Variants in HCN1 observed in about 807,000 individuals in gnomAD.
HCN1 encodes the protein hyperpolarization activated cyclic nucleotide gated potassium channel 1.
Under a neutral mutation model 78.9 loss-of-function variants are expected in HCN1, and 13 were observed. That is an observed-to-expected ratio of 0.16 (90% CI 0.11 to 0.26). The LOEUF (loss-of-function observed/expected upper bound fraction) is 0.26. Among genes scored for constraint, HCN1 ranks in the 10% least tolerant of loss-of-function variants. The probability of loss-of-function intolerance (pLI) is 1.00; values close to 1 mark genes in which losing one functional copy is unlikely to be tolerated. For missense variants in HCN1, 810 were observed against 1,154.3 expected, an observed-to-expected ratio of 0.70 and a Z score of 4.32; for synonymous variants, 552 against 455.5, an observed-to-expected ratio of 1.21 and a Z score of -2.70.
chr5:45,503,333 C>T (rs906273357), intron 2 of HCN1, among the ~76,000 whole-genome samples: 1 of 151,726 alleles, frequency 6.6e-6, no homozygotes. Flanking sequence ...CTCCAGATCT[C>T]GAGAAACTCT....
At chr5:45,365,379 T>C (rs1289573790) in intron 4 of HCN1, among the ~76,000 whole-genome samples, 2 of 151,930 alleles carry the variant, frequency 1.3e-5, no homozygotes, top group Non-Finnish European at 2.9e-5. Flanking sequence ...CCAAAGACTA[T>C]TATCTCTATC....
chr5:45,263,714 G>C (rs1384903668), intron 7 of HCN1, among the ~76,000 whole-genome samples: 3 of 151,794 alleles, frequency 2.0e-5, no homozygotes, highest in Non-Finnish European at 4.4e-5. Context: ...ATCATACATG[G>C]GCTCTGAATT....
intron 2 of HCN1, among the ~76,000 whole-genome samples, chr5:45,629,773 C>CA (rs1180985335): frequency 5.3e-5 from 8 of 151,976 alleles, no homozygotes; most frequent in South Asian, 4.2e-4. Context: ...TTGGTTTAGA[C>CA]AAAAAACTAA....
chr5:45,348,810 C>G (rs927029347), intron 5 of HCN1, among the ~76,000 whole-genome samples: 12 of 152,186 alleles, frequency 7.9e-5, no homozygotes, highest in African/African-American at 2.9e-4. Flanking sequence ...ATCAATTCAA[C>G]AAGAAGAGCT....
intron 1 of HCN1, among the ~76,000 whole-genome samples, chr5:45,669,938 T>C (rs1246877613): frequency 6.6e-6 from 1 of 151,766 alleles, no homozygotes; most frequent in Non-Finnish European, 1.5e-5. Flanking sequence ...GATGAGTTTA[T>C]GGTGTTTCCC....
rs535188120 is a variant in HCN1 at position 45,311,614 on chromosome 5, A to G, written c.1378-7775T>C. On this transcript the variant is annotated intron_variant, in intron 5 of 7. Coordinates refer to ENST00000303230, the MANE Select transcript of HCN1 (RefSeq NM_021072.4). ...TTGCTTTAGTGTTGATAATTATGGCATAAGTGTTATGATCCATGGAGGATA... is the reference window on the plus strand; with the variant it reads ...TTGCTTTAGTGTTGATAATTATGGCGTAAGTGTTATGATCCATGGAGGATA... 2.0e-5 allele frequency among the ~76,000 whole-genome samples: 3 copies of G among 152,350 alleles called. No individual in the cohort carries two copies. In the East Asian group the frequency reaches 5.8e-4, roughly 29 times the overall value.
At position 45,262,692 on chromosome 5, in the gene HCN1, C is replaced by T. The variant is rs192503845; in HGVS notation, c.1902G>A (p.Gln634=). Reference sequence around the variant, plus strand: ...GAGGATAATTGATGGGAGCGATTGCCTGCACCATCTCCCTGTCATGTTTCA... The same window carrying T: ...GAGGATAATTGATGGGAGCGATTGCTTGCACCATCTCCCTGTCATGTTTCA... ...QIVKHDREMV[Q]AIAPINYPQM... is the part of the protein sequence containing the mutation. The change falls in exon 8 of 8, where the codon CAG becomes CAA. Residue 634 remains glutamine (Q), a synonymous_variant. Coordinates refer to ENST00000303230, the MANE Select transcript of HCN1 (RefSeq NM_021072.4). 37 of 1,614,116 alleles carry T rather than the reference C, an allele frequency of 2.3e-5. No homozygotes were observed. In the Admixed American group the frequency reaches 4.0e-4, roughly 17 times the overall value.
At chr5:45,394,454 A>AT (rs1369952647) in intron 4 of HCN1, among the ~76,000 whole-genome samples, 4 of 152,194 alleles carry the variant, frequency 2.6e-5, no homozygotes, top group African/African-American at 9.6e-5. Flanking sequence ...GAAGCTGCAC[A>AT]TTACTCATCC....
rs1299427978 is a variant in HCN1 at position 45,303,786 on chromosome 5, A to T, written c.1431T>A (p.Ala477=). 1.9e-6 allele frequency: 3 copies of T among 1,613,698 alleles called. No individual in the cohort carries two copies. Among genetic ancestry groups the T allele is most frequent in the Non-Finnish European group, 2.5e-6 (3 of 1,179,748 alleles). Residue 477 remains alanine, a synonymous_variant, in exon 6 of 8, where the codon GCT becomes GCA. Coordinates refer to ENST00000303230, the MANE Select transcript of HCN1 (RefSeq NM_021072.4). The part of the protein sequence containing the change: ...RKLVATMPLF[A]NADPNFVTAM... ...CAGTCACAAAATTAGGATCCGCATT[A>T]GCAAATAAAGGCATTGTAGCCACCA...
Position 45,322,940 on chromosome 5 carries a change from A to C in HCN1, c.1378-19101T>G, listed in dbSNP as rs535866222. ...CTTGAGCAACCTTGTCTGATATAAT[A>C]GTTCCTAATTGCATGGGGTTTTCAG... On this transcript the variant is annotated intron_variant, in intron 5 of 7. Coordinates refer to ENST00000303230, the MANE Select transcript of HCN1 (RefSeq NM_021072.4). 4.6e-5 allele frequency among the ~76,000 whole-genome samples: 7 copies of C among 151,992 alleles called. No homozygotes were observed. The East Asian group carries it at 1.2e-3, about 25-fold the overall frequency.
chr5:45,690,520 G>A (rs1739888861), intron 1 of HCN1, among the ~76,000 whole-genome samples: 1 of 151,934 alleles, frequency 6.6e-6, no homozygotes, highest in South Asian at 2.1e-4. Context: ...AATTAACAGA[G>A]CCATGAAGGT....
intron 2 of HCN1, among the ~76,000 whole-genome samples, chr5:45,592,055 T>C (rs1348899286): frequency 1.3e-5 from 2 of 152,184 alleles, no homozygotes; most frequent in African/African-American, 2.4e-5. Context: ...AAAAGATTAT[T>C]TTTTTCTCCA....
rs149208349 is a variant in HCN1 at position 45,410,639 on chromosome 5, C to T, written c.1012-13929G>A. On this transcript the variant is annotated intron_variant, in intron 3 of 7. Coordinates refer to ENST00000303230, the MANE Select transcript of HCN1 (RefSeq NM_021072.4). ...ACTCTAAAGACATGACTTTAAATTGCAAACAAATAAATAAAGCTTCAATTA... is the reference window on the plus strand; with the variant it reads ...ACTCTAAAGACATGACTTTAAATTGTAAACAAATAAATAAAGCTTCAATTA... Among the ~76,000 whole-genome samples, 3 of 152,134 alleles carry T rather than the reference C, an allele frequency of 2.0e-5. No homozygotes were observed. In the East Asian group the frequency reaches 5.8e-4, roughly 29 times the overall value.
chr5:45,429,485 T>C lies in HCN1; in HGVS notation c.1011+32361A>G, dbSNP rs562777368. Among the ~76,000 whole-genome samples the C allele has an allele frequency of 2.0e-5, 3 of 152,206 alleles. No homozygotes were observed. The South Asian group carries it at 6.2e-4, about 32-fold the overall frequency. The stretch of plus-strand genomic sequence containing the variant: ...TGGCTGGGGAGGGAGAGCTCATCTC[T>C]TTTGAGAGGGGTGAATGTGAGGACA... On this transcript the variant is annotated intron_variant, in intron 3 of 7. Transcript: ENST00000303230.
intron 2 of HCN1, among the ~76,000 whole-genome samples, chr5:45,580,539 T>G (rs1352362119): frequency 6.6e-6 from 1 of 152,056 alleles, no homozygotes; most frequent in Non-Finnish European, 1.5e-5. Context: ...TTTTTTTGTT[T>G]TGTTTTGTTT....
chr5:45,472,079 T>TACC (rs1165087544), intron 2 of HCN1, among the ~76,000 whole-genome samples: 1 of 151,938 alleles, frequency 6.6e-6, no homozygotes, highest in Non-Finnish European at 1.5e-5. Flanking sequence ...GTCTCTGTAC[T>TACC]ACCATTTTAT....
At chr5:45,383,532 T>C (rs1207970955) in intron 4 of HCN1, among the ~76,000 whole-genome samples, 2 of 152,036 alleles carry the variant, frequency 1.3e-5, no homozygotes, top group African/African-American at 2.4e-5. Flanking sequence ...CCATCTCTAC[T>C]AAAACTACAA....
intron 2 of HCN1, among the ~76,000 whole-genome samples, chr5:45,579,795 G>C (rs1371905081): frequency 2.0e-5 from 3 of 152,034 alleles, no homozygotes; most frequent in African/African-American, 7.2e-5. Flanking sequence ...AAAAAGAAAA[G>C]ATGATGGTCT....
intron 3 of HCN1, among the ~76,000 whole-genome samples, chr5:45,439,582 C>T (rs1740631841): frequency 6.6e-6 from 1 of 151,962 alleles, no homozygotes; most frequent in African/African-American, 2.4e-5. Flanking sequence ...TTTATTTAAA[C>T]AGAGTTCTGT....
Sources: gnomAD v4.1 joint callset for allele counts (sites outside exome capture counted in the v4.1 genomes callset) on GRCh38, gnomAD v4.1.1 for gene constraint, MANE v1.5 for transcripts, NCBI Gene and HGNC (gene_info 2026-07-23, HGNC 2026-07-21) for gene names.